ANKRD44: variants seen among roughly 807,000 people sequenced by gnomAD.
ANKRD44 encodes the protein ankyrin repeat domain 44, also known as serine/threonine-protein phosphatase 6 regulatory ankyrin repeat subunit B.
ANKRD44 carries 35 observed loss-of-function variants against 116.0 expected under a neutral mutation model. That is an observed-to-expected ratio of 0.30 (90% CI 0.23 to 0.40). ANKRD44 has a LOEUF of 0.40. Among genes scored for constraint, ANKRD44 ranks in the 10% least tolerant of loss-of-function variants. The pLI is 1.00. For synonymous variants in ANKRD44, 435 were observed against 461.8 expected (o/e 0.94, Z 0.74); for missense variants, 1,014 against 1,242.6 (o/e 0.82, Z 2.77).
chr2:197,060,053 C>T (rs1021025956), intron 16 of ANKRD44, among the ~76,000 whole-genome samples: 3 of 152,172 alleles, frequency 2.0e-5, no homozygotes, highest in Non-Finnish European at 2.9e-5. Context: ...ATGGGACATG[C>T]TGTCCCCTAA....
intron 21 of ANKRD44, among the ~76,000 whole-genome samples, chr2:196,976,006 T>C (rs2075757980): frequency 6.6e-6 from 1 of 152,088 alleles, no homozygotes; most frequent in Non-Finnish European, 1.5e-5. Flanking sequence ...ATTTATCCTA[T>C]GTATACCAGC....
intron 9 of ANKRD44, among the ~76,000 whole-genome samples, chr2:197,106,558 G>A (rs1440550904): frequency 1.3e-5 from 2 of 152,166 alleles, no homozygotes; most frequent in East Asian, 3.8e-4. Flanking sequence ...GGGAGGCCGA[G>A]GCAGGCAGAT....
intron 21 of ANKRD44, among the ~76,000 whole-genome samples, chr2:196,977,949 A>G (rs527729972): frequency 3.3e-4 from 51 of 152,350 alleles, no homozygotes; most frequent in Admixed American, 2.5e-3. Flanking sequence ...TAAAAAAACA[A>G]AAACAAAACC....
At chr2:197,281,506 G>A (rs1224907606) in intron 1 of ANKRD44, among the ~76,000 whole-genome samples, 1 of 152,122 alleles carries the variant, frequency 6.6e-6, no homozygotes, top group Non-Finnish European at 1.5e-5. Flanking sequence ...GTCAGTCCTT[G>A]TATAAGGCAT....
intron 1 of ANKRD44, among the ~76,000 whole-genome samples, chr2:197,223,732 T>C (rs1416862146): frequency 6.6e-6 from 1 of 152,208 alleles, no homozygotes; most frequent in East Asian, 1.9e-4. Context: ...TGCAAATAGT[T>C]ATAACAACTT....
chr2:197,303,123 T>C (rs1453564475), intron 1 of ANKRD44, among the ~76,000 whole-genome samples: 1 of 152,198 alleles, frequency 6.6e-6, no homozygotes, highest in African/African-American at 2.4e-5. Context: ...TCCTCACCCT[T>C]AGACAAAACT....
chr2:197,071,248 T>C (rs946099637), intron 16 of ANKRD44, among the ~76,000 whole-genome samples: 2 of 152,276 alleles, frequency 1.3e-5, no homozygotes, highest in East Asian at 1.9e-4. Context: ...TTATTTTGAG[T>C]TTAATTTGCT....
chr2:196,986,290 C>T (rs2075836741), downstream of ANKRD44, among the ~76,000 whole-genome samples: 1 of 152,156 alleles, frequency 6.6e-6, no homozygotes, highest in Non-Finnish European at 1.5e-5. Flanking sequence ...TGGTGCACAT[C>T]TGTAGTCCCA....
chr2:197,180,735 CAGAGAAAAACTT>C (rs904701908), intron 2 of ANKRD44, among the ~76,000 whole-genome samples: 6 of 152,052 alleles, frequency 3.9e-5, no homozygotes, highest in Non-Finnish European at 5.9e-5. Context: ...TATAATCAAG[CAGAGAAAAACTT>C]AGAGAAAAAC....
intron 10 of ANKRD44, among the ~76,000 whole-genome samples, chr2:197,091,307 T>C (rs2078038108): frequency 6.6e-6 from 1 of 152,192 alleles, no homozygotes; most frequent in African/African-American, 2.4e-5. Flanking sequence ...CCATGCTCAT[T>C]TGCTCAGGCG....
At chr2:197,304,729 T>C (rs531164870) in intron 1 of ANKRD44, among the ~76,000 whole-genome samples, 200 of 152,312 alleles carry the variant, frequency 1.3e-3, no homozygotes, top group African/African-American at 4.1e-3. Context: ...CGTGTACCCA[T>C]AGCAAACACT....
intron 1 of ANKRD44, among the ~76,000 whole-genome samples, chr2:197,228,857 G>A (rs138028426): frequency 0.015 from 2,287 of 152,312 alleles, 73 homozygotes; most frequent in African/African-American, 0.053. Context: ...CCAACATGGT[G>A]AAACCCTGTC....
At chr2:196,981,733 C>T (rs138684498), downstream of ANKRD44, among the ~76,000 whole-genome samples, 3,200 of 152,042 alleles carry the variant, frequency 0.021, 50 homozygotes, top group Non-Finnish European at 0.027. Context: ...GAGCTGAGAT[C>T]GCACCATTGT....
At chr2:196,984,763 AG>A (rs2075825186), downstream of ANKRD44, among the ~76,000 whole-genome samples, 2 of 152,356 alleles carry the variant, frequency 1.3e-5, no homozygotes, top group Admixed American at 1.3e-4. Flanking sequence ...CAGTCAAGCA[AG>A]CAATTTCCTT....
chr2:197,044,209 C>T (rs1455935471), intron 16 of ANKRD44, among the ~76,000 whole-genome samples: 2 of 152,092 alleles, frequency 1.3e-5, no homozygotes, highest in Non-Finnish European at 2.9e-5. Context: ...TCTTATGATG[C>T]CAAATTATTC....
At chr2:197,019,782 C>T (rs1353648800) in intron 17 of ANKRD44, among the ~76,000 whole-genome samples, 2 of 151,506 alleles carry the variant, frequency 1.3e-5, no homozygotes, top group Non-Finnish European at 2.9e-5. Context: ...AGGGAATAGG[C>T]GATTTCTTTT....
chr2:197,186,612 C>CTTTTTTTTTGTTTTTTTTTTTTTTTTTTT (rs2080673870), intron 2 of ANKRD44, among the ~76,000 whole-genome samples: 1 of 50,786 alleles, frequency 2.0e-5, no homozygotes, highest in African/African-American at 4.7e-5. Flanking sequence ...GCTAATTTTT[C>CTTTTTTTTTGTTTTTTTTTTTTTTTTTTT]TTTTTTTTTT....
intron 4 of ANKRD44, among the ~76,000 whole-genome samples, chr2:197,133,105 C>T (rs528809683): frequency 6.6e-6 from 1 of 152,316 alleles, no homozygotes; most frequent in Admixed American, 6.5e-5. Context: ...TGCAGCTTCA[C>T]ATGATGACAC....
chr2:197,028,474 A>AAC (rs1479252627), intron 16 of ANKRD44, among the ~76,000 whole-genome samples: 1 of 152,188 alleles, frequency 6.6e-6, no homozygotes, highest in Non-Finnish European at 1.5e-5. Flanking sequence ...GATGGTCGTC[A>AAC]ACATCCAACT....
Sources: gnomAD v4.1 joint callset for allele counts (sites outside exome capture counted in the v4.1 genomes callset) on GRCh38, gnomAD v4.1.1 for gene constraint, MANE v1.5 for transcripts, NCBI Gene and HGNC (gene_info 2026-07-23, HGNC 2026-07-21) for gene names.